The following MAN1C1 variants were observed in gnomAD, a reference collection of about 807,000 sequenced individuals.
The protein encoded by MAN1C1 is mannosidase alpha class 1C member 1, also known as mannosyl-oligosaccharide 1,2-alpha-mannosidase IC.
MAN1C1 carries 49 observed loss-of-function variants against 71.5 expected under a neutral mutation model. The ratio of observed to expected loss-of-function variants is 0.69; its 90% confidence interval spans 0.54 to 0.87. MAN1C1 has a LOEUF of 0.87. MAN1C1 is among the 40% of genes least tolerant of loss of function. MAN1C1 has a pLI of 0.00. For missense variants in MAN1C1, 743 were observed against 835.0 expected (o/e 0.89, Z 1.36); for synonymous variants, 352 against 343.7 (o/e 1.02, Z -0.27).
In MAN1C1 at chr1:25,711,786, C is replaced by T. The variant is rs112254788; in HGVS notation, c.637+25250C>T. On this transcript the variant is annotated intron_variant, in intron 2 of 11. Transcript: ENST00000374332. The surrounding 1 kb of genome is among the most constrained non-coding windows in gnomAD (Gnocchi z 4.3). Reference sequence around the variant, plus strand: ...GAGGAAGTGATCAGTCTTTGCAAGCCGTGCTGTCCTGTGTGTGAAAGAGGA... The same window carrying T: ...GAGGAAGTGATCAGTCTTTGCAAGCTGTGCTGTCCTGTGTGTGAAAGAGGA... Among the ~76,000 whole-genome samples, 13 of 152,274 alleles carry T rather than the reference C, an allele frequency of 8.5e-5. No individual in the cohort carries two copies. The highest frequency in any genetic ancestry group is 2.9e-4 in the African/African-American group (12 of 41,526).
chr1:25,670,306 C>G (rs557678802), intron 1 of MAN1C1, among the ~76,000 whole-genome samples: 2 of 152,342 alleles, frequency 1.3e-5, no homozygotes, highest in South Asian at 4.1e-4. Context: ...GTTCCATGTG[C>G]CTTGCAGGAT....
chr1:25,618,432 C>A, intron 1 of MAN1C1, 95 bp downstream of exon 1: 1 of 1,246,932 alleles, frequency 8.0e-7, no homozygotes, highest in Non-Finnish European at 1.1e-6. Flanking sequence ...GCCTCAGTCA[C>A]TCCTGGTCCC....
At chr1:25,770,553 A>G (rs1269526759) in intron 7 of MAN1C1, among the ~76,000 whole-genome samples, 1 of 152,208 alleles carries the variant, frequency 6.6e-6, no homozygotes, top group Non-Finnish European at 1.5e-5. Context: ...TGGATGAGCC[A>G]TTTAGGCCCA....
intron 2 of MAN1C1, among the ~76,000 whole-genome samples, chr1:25,740,697 A>T (rs2047051241): frequency 6.6e-6 from 1 of 151,894 alleles, no homozygotes; most frequent in African/African-American, 2.4e-5. Context: ...TGGCCTCCCA[A>T]AGTGCTGGGA....
intron 2 of MAN1C1, among the ~76,000 whole-genome samples, chr1:25,740,726 G>A (rs12065845): frequency 0.055 from 8,418 of 152,104 alleles, 758 homozygotes; most frequent in African/African-American, 0.19. Context: ...GTGAGCCACC[G>A]CGCCCGGCTG....
chr1:25,701,392 A>C (rs2046441402), intron 2 of MAN1C1, among the ~76,000 whole-genome samples: 1 of 152,206 alleles, frequency 6.6e-6, no homozygotes, highest in Non-Finnish European at 1.5e-5. Context: ...TGTGTTGCTT[A>C]CAGTAACTCT....
At position 25,723,248 on chromosome 1, in the gene MAN1C1, C is replaced by T. The variant is rs1335500161; in HGVS notation, c.638-23420C>T. On this transcript the variant is annotated intron_variant, in intron 2 of 11. Coordinates refer to ENST00000374332, the MANE Select transcript of MAN1C1 (RefSeq NM_020379.4). ...CCCTCTGTCGTACTCCTTTCTGAGA[C>T]TCTGCCTCTGGTTTTCTGCTGGGAT... Among the ~76,000 whole-genome samples the T allele has an allele frequency of 2.0e-5, 3 of 152,220 alleles. No individual in the cohort carries two copies. The East Asian group carries it at 5.8e-4, about 29-fold the overall frequency.
At chr1:25,760,252 T>A (rs549991835) in intron 6 of MAN1C1, 1 of 152,312 alleles carries the variant, frequency 6.6e-6, no homozygotes, top group South Asian at 2.1e-4. Context: ...GTTCCCATAT[T>A]TACAGAGGAG....
chr1:25,782,707 A>G lies in MAN1C1; in HGVS notation c.1766+7A>G. ...TTCTAGCGGAGACACTAAAGTGAGC[A>G]GTGTGGGCTCTTCCTAGGGATGGAC... is the stretch of plus-strand genomic sequence containing the variant. On this transcript the variant is annotated splice_region_variant and intron_variant, in intron 11 of 11. Transcript: ENST00000374332. This position sits in a 1 kb window ranked among gnomAD's most constrained non-coding sequence, Gnocchi z 4.4. 6.2e-7 allele frequency: 1 copy of G among 1,605,396 alleles called. No individual in the cohort carries two copies. Among genetic ancestry groups the G allele is most frequent in the African/African-American group, 1.3e-5 (1 of 74,834 alleles).
At chr1:25,691,881 G>T (rs1557767688) in intron 2 of MAN1C1, among the ~76,000 whole-genome samples, 3 of 152,186 alleles carry the variant, frequency 2.0e-5, no homozygotes, top group Non-Finnish European at 4.4e-5. Flanking sequence ...GCCAATGGGG[G>T]TCAGCTGGCC....
chr1:25,660,461 C>T (rs538287658), intron 1 of MAN1C1, among the ~76,000 whole-genome samples: 83 of 132,386 alleles, frequency 6.3e-4, no homozygotes, highest in African/African-American at 2.2e-3. Context: ...GGTGCCATCT[C>T]GGCTCACTGC....
chr1:25,679,335 C>T (rs1179452226), intron 1 of MAN1C1, among the ~76,000 whole-genome samples: 2 of 152,134 alleles, frequency 1.3e-5, no homozygotes, highest in Non-Finnish European at 1.5e-5. Flanking sequence ...CTAATTTGTT[C>T]ACCAGACTTC....
At chr1:25,767,246 A>T (rs945726252) in intron 7 of MAN1C1, among the ~76,000 whole-genome samples, 1 of 105,950 alleles carries the variant, frequency 9.4e-6, no homozygotes, top group Admixed American at 1.2e-4. Context: ...CTCCCCTCAC[A>T]TCCACACTCC....
At chr1:25,732,627 C>T (rs568827355) in intron 2 of MAN1C1, among the ~76,000 whole-genome samples, 1 of 152,308 alleles carries the variant, frequency 6.6e-6, no homozygotes, top group East Asian at 1.9e-4. Context: ...GGAGGTCTTG[C>T]TCCCACTGTG....
chr1:25,741,396 A>AGGAGACTGGGAAGAAGCCAGCG, intron 2 of MAN1C1, among the ~76,000 whole-genome samples: 1 of 152,260 alleles, frequency 6.6e-6, no homozygotes, highest in East Asian at 1.9e-4. Flanking sequence ...AGGAACCAGC[A>AGGAGACTGGGAAGAAGCCAGCG]CAGGAGACTG....
intron 2 of MAN1C1, among the ~76,000 whole-genome samples, chr1:25,712,613 A>T (rs2046628334): frequency 6.6e-6 from 1 of 152,212 alleles, no homozygotes; most frequent in African/African-American, 2.4e-5. Flanking sequence ...CTTCTCCTTG[A>T]GCAGTAAATG....
intron 6 of MAN1C1, among the ~76,000 whole-genome samples, chr1:25,762,963 C>T (rs763715378): frequency 1.7e-4 from 26 of 152,002 alleles, no homozygotes; most frequent in Non-Finnish European, 2.5e-4. Flanking sequence ...CAATTAACCC[C>T]ACCTTTAAAA....
At position 25,686,573 on chromosome 1, in the gene MAN1C1, C is replaced by A. The variant is rs1330496019; in HGVS notation, c.637+37C>A. The A allele has an allele frequency of 3.8e-6, 6 of 1,565,278 alleles. No individual in the cohort carries two copies. In the African/African-American group the frequency reaches 8.1e-5, roughly 21 times the overall value. Reference sequence around the variant, plus strand: ...CAAACCACTTTGATATTGGGAGGGACCCACCGCCCCGCCAGTGGCCGAGTG... The same window carrying A: ...CAAACCACTTTGATATTGGGAGGGAACCACCGCCCCGCCAGTGGCCGAGTG... On this transcript the variant is annotated intron_variant, in intron 2 of 11. Transcript: ENST00000374332.
chr1:25,726,893 T>TTA (rs2046838890), intron 2 of MAN1C1, among the ~76,000 whole-genome samples: 1 of 127,234 alleles, frequency 7.9e-6, no homozygotes, highest in African/African-American at 3.0e-5. Context: ...TCATCTCTAT[T>TTA]AAAAAAAAAA....
Sources: allele counts gnomAD v4.1 joint callset (sites outside exome capture counted in the v4.1 genomes callset), GRCh38; gene constraint gnomAD v4.1.1; non-coding constraint Gnocchi (gnomAD v3.1); transcripts MANE v1.5; gene names NCBI Gene and HGNC (gene_info 2026-07-23, HGNC 2026-07-21).